DDAH1: variants seen among roughly 807,000 people sequenced by gnomAD.
DDAH1 encodes N(G),N(G)-dimethylarginine dimethylaminohydrolase 1.
Under a neutral mutation model 28.8 loss-of-function variants are expected in DDAH1, and 19 were observed. The ratio of observed to expected loss-of-function variants is 0.66; its 90% CI spans 0.46 to 0.97. The LOEUF (loss-of-function observed/expected upper bound fraction) is 0.97. Among genes scored for constraint, DDAH1 ranks in the 50% least tolerant of loss-of-function variants. DDAH1 has a pLI of 0.00. For synonymous variants in DDAH1, 153 were observed against 154.4 expected, an observed-to-expected ratio of 0.99 and a Z score of 0.07; for missense variants, 326 against 375.9, an observed-to-expected ratio of 0.87 and a Z score of 1.10.
intron 1 of DDAH1, among the ~76,000 whole-genome samples, chr1:85,455,365 T>C (rs1654839673): frequency 6.6e-6 from 1 of 152,216 alleles, no homozygotes; most frequent in Admixed American, 6.5e-5. Context: ...TAAAAATGAC[T>C]ACATCTATAC....
At chr1:85,392,929 T>C (rs1184093411) in intron 1 of DDAH1, among the ~76,000 whole-genome samples, 1 of 151,844 alleles carries the variant, frequency 6.6e-6, no homozygotes, top group Non-Finnish European at 1.5e-5. Context: ...CCTTCACAGA[T>C]CCTGACTTCA....
At chr1:85,523,498 A>C (rs1271953500) in intron 1 of DDAH1, among the ~76,000 whole-genome samples, 4 of 152,270 alleles carry the variant, frequency 2.6e-5, no homozygotes, top group African/African-American at 9.6e-5. Context: ...TTTTGTATGA[A>C]ACATGGAGAA....
intron 2 of DDAH1, among the ~76,000 whole-genome samples, chr1:85,485,722 G>A (rs1365446516): frequency 1.3e-5 from 2 of 152,132 alleles, no homozygotes; most frequent in Non-Finnish European, 2.9e-5. Flanking sequence ...ATCAATGGAC[G>A]CATTTAAACA....
chr1:85,512,568 T>C (rs1209139285), intron 1 of DDAH1, among the ~76,000 whole-genome samples: 1 of 152,250 alleles, frequency 6.6e-6, no homozygotes, highest in Admixed American at 6.5e-5. Flanking sequence ...TTGTTCCTGT[T>C]TGCAGAGGAC....
intron 1 of DDAH1, among the ~76,000 whole-genome samples, chr1:85,532,267 C>T (rs1658116548): frequency 6.6e-6 from 1 of 151,260 alleles, no homozygotes; most frequent in African/African-American, 2.4e-5. Flanking sequence ...CAATATAACA[C>T]ATTTGTAAAG....
chr1:85,567,884 C>T (rs989686107), intron 1 of DDAH1, among the ~76,000 whole-genome samples: 2 of 152,168 alleles, frequency 1.3e-5, no homozygotes, highest in Non-Finnish European at 2.9e-5. Flanking sequence ...GATCACTCCA[C>T]CCACAATAGC....
Position 85,338,650 on chromosome 1 carries a change from G to A in DDAH1, c.597+11765C>T, listed in dbSNP as rs148347890. 1.5e-3 allele frequency among the ~76,000 whole-genome samples: 230 copies of A among 152,230 alleles called. 1 individual carries two copies. The highest frequency in any genetic ancestry group is 4.5e-3 in the African/African-American group (185 of 41,532). On this transcript the variant is annotated intron_variant, in intron 4 of 5. Coordinates refer to ENST00000284031, the MANE Select transcript of DDAH1 (RefSeq NM_012137.4). ...GTCTTGCTGAATCAGAATTTCTAGCGGTGAACCCCAGGAATGGGATGTACA... is the reference window on the plus strand; with the variant it reads ...GTCTTGCTGAATCAGAATTTCTAGCAGTGAACCCCAGGAATGGGATGTACA...
At position 85,425,603 on chromosome 1, in the gene DDAH1, T is replaced by C. The variant is rs557079360; in HGVS notation, c.303+39140A>G. On this transcript the variant is annotated intron_variant, in intron 1 of 5. Transcript: ENST00000284031. ...CGATTATATCTCCAGTCTGAAGTTT[T>C]ACATCAAGTAAATGTTTCTTTGCAA... Among the ~76,000 whole-genome samples, 9 of 152,350 alleles carry C rather than the reference T, an allele frequency of 5.9e-5. No homozygotes were observed. In the East Asian group the frequency reaches 1.7e-3, roughly 29 times the overall value.
intron 2 of DDAH1, among the ~76,000 whole-genome samples, chr1:85,481,200 T>C (rs2100716861): frequency 6.8e-6 from 1 of 147,752 alleles, no homozygotes; most frequent in Non-Finnish European, 1.5e-5. Flanking sequence ...CAGGTTGAAG[T>C]GATTCTCCTG....
intron 2 of DDAH1, among the ~76,000 whole-genome samples, chr1:85,473,243 G>T (rs1655678724): frequency 6.6e-6 from 1 of 152,116 alleles, no homozygotes; most frequent in South Asian, 2.1e-4. Context: ...GAAGGGGATT[G>T]GGATTGCTGG....
intron 1 of DDAH1, among the ~76,000 whole-genome samples, chr1:85,572,870 A>G (rs1473895498): frequency 6.6e-6 from 1 of 152,262 alleles, no homozygotes; most frequent in African/African-American, 2.4e-5. Context: ...TTTTTTAGAT[A>G]GTCACTGGTG....
chr1:85,469,983 G>T (rs1041367924), upstream of DDAH1, among the ~76,000 whole-genome samples: 1 of 152,132 alleles, frequency 6.6e-6, no homozygotes, highest in African/African-American at 2.4e-5. Flanking sequence ...CTTTTCCATT[G>T]ATAATATTGC....
At chr1:85,401,637 C>T (rs555578668) in intron 1 of DDAH1, among the ~76,000 whole-genome samples, 1 of 151,656 alleles carries the variant, frequency 6.6e-6, no homozygotes, top group East Asian at 1.9e-4. Context: ...GTAGCTGGGA[C>T]TACAGGCGCA....
Position 85,352,993 on chromosome 1 carries a change from G to A in DDAH1, c.404-1414C>T, listed in dbSNP as rs562504480. ...AAACAATCTGGGGAAAGTGAGTTAA[G>A]TGCTGACTGGTCTTCAGGTCTGACC... On this transcript the variant is annotated intron_variant, in intron 2 of 5. Transcript: ENST00000284031. 6.6e-5 allele frequency among the ~76,000 whole-genome samples: 10 copies of A among 151,988 alleles called. No individual in the cohort carries two copies. In the South Asian group the frequency reaches 2.1e-3, roughly 32 times the overall value.
At chr1:85,381,243 A>G (rs2100908254) in intron 1 of DDAH1, among the ~76,000 whole-genome samples, 1 of 151,014 alleles carries the variant, frequency 6.6e-6, no homozygotes, top group Admixed American at 6.6e-5. Flanking sequence ...AAAAAAAAAA[A>G]GATATATTCT....
At chr1:85,368,210 TGTATATCA>T (rs1650175245) in intron 1 of DDAH1, among the ~76,000 whole-genome samples, 1 of 152,210 alleles carries the variant, frequency 6.6e-6, no homozygotes. Context: ...GTTGCAGCTC[TGTATATCA>T]GAGCTGGAAT....
At chr1:85,547,492 G>T (rs1405674049) in intron 1 of DDAH1, among the ~76,000 whole-genome samples, 3 of 152,144 alleles carry the variant, frequency 2.0e-5, no homozygotes, top group African/African-American at 7.2e-5. Flanking sequence ...TGCCTTCACA[G>T]GGCTTCACAA....
At chr1:85,417,822 T>C (rs1253850624) in intron 1 of DDAH1, among the ~76,000 whole-genome samples, 1 of 152,178 alleles carries the variant, frequency 6.6e-6, no homozygotes, top group Non-Finnish European at 1.5e-5. Context: ...TGCAAGATAA[T>C]TGAAAAATAC....
intron 1 of DDAH1, among the ~76,000 whole-genome samples, chr1:85,431,498 C>T (rs537162852): frequency 6.6e-6 from 1 of 152,174 alleles, no homozygotes; most frequent in East Asian, 1.9e-4. Flanking sequence ...TAGAATCCTC[C>T]TCCTTTGTCT....
Sources: gnomAD v4.1 joint callset for allele counts (sites outside exome capture counted in the v4.1 genomes callset) on GRCh38, gnomAD v4.1.1 for gene constraint, MANE v1.5 for transcripts, NCBI Gene and HGNC (gene_info 2026-07-23, HGNC 2026-07-21) for gene names.